The following NCAM2 variants were observed in gnomAD, a reference collection of about 807,000 sequenced individuals.
The protein encoded by NCAM2 is N-CAM-2.
NCAM2 carries 30 observed loss-of-function variants against 98.1 expected under a neutral mutation model. The ratio of observed to expected loss-of-function variants is 0.31; its 90% CI spans 0.23 to 0.41. The LOEUF (loss-of-function observed/expected upper bound fraction) is 0.41. NCAM2 is among the 10% of genes least tolerant of loss of function. The pLI is 1.00. For synonymous variants in NCAM2, 368 were observed against 342.4 expected (o/e 1.07, Z -0.83); for missense variants, 867 against 1,005.8 (o/e 0.86, Z 1.87).
chr21:21,426,897 A>T (rs2077225656), intron 11 of NCAM2, among the ~76,000 whole-genome samples: 2 of 152,218 alleles, frequency 1.3e-5, no homozygotes, highest in Non-Finnish European at 2.9e-5. Context: ...GAGTGTCTTA[A>T]ATCGTATAAT....
At chr21:21,039,753 A>G (rs1947066763) in intron 1 of NCAM2, among the ~76,000 whole-genome samples, 1 of 152,202 alleles carries the variant, frequency 6.6e-6, no homozygotes, top group Admixed American at 6.5e-5. Context: ...GACATATGCA[A>G]ATCACTGAAG....
intron 5 of NCAM2, among the ~76,000 whole-genome samples, chr21:21,319,056 G>A (rs1050217434): frequency 1.3e-5 from 2 of 152,140 alleles, no homozygotes; most frequent in African/African-American, 4.8e-5. Flanking sequence ...GGAGACTGCA[G>A]TGAGAGGCTA....
intron 1 of NCAM2, among the ~76,000 whole-genome samples, chr21:21,215,707 G>A (rs1028081822): frequency 3.9e-5 from 6 of 151,924 alleles, no homozygotes; most frequent in African/African-American, 1.4e-4. Context: ...CAGCCTAGGC[G>A]ACAGAGCAAA....
intron 1 of NCAM2, among the ~76,000 whole-genome samples, chr21:21,183,355 A>G (rs1456333018): frequency 2.0e-5 from 3 of 152,216 alleles, no homozygotes; most frequent in African/African-American, 7.2e-5. Context: ...CTCCCACATA[A>G]CTGAATAACA....
chr21:21,169,761 C>T (rs538989573), intron 1 of NCAM2, among the ~76,000 whole-genome samples: 2 of 152,082 alleles, frequency 1.3e-5, no homozygotes, highest in African/African-American at 4.8e-5. Context: ...CCAGCCTGGG[C>T]AACATGGTGA....
chr21:21,458,318 G>A (rs1293945400), intron 12 of NCAM2, among the ~76,000 whole-genome samples: 1 of 152,236 alleles, frequency 6.6e-6, no homozygotes, highest in Non-Finnish European at 1.5e-5. Context: ...TGTGCCCCCA[G>A]GCCCTGGGAG....
At chr21:21,196,577 A>C (rs1568752992) in intron 1 of NCAM2, among the ~76,000 whole-genome samples, 1 of 152,226 alleles carries the variant, frequency 6.6e-6, no homozygotes, top group Non-Finnish European at 1.5e-5. Flanking sequence ...TCTAGGCCCT[A>C]GGGTCACAAG....
chr21:21,064,854 C>T (rs984272785), intron 1 of NCAM2, among the ~76,000 whole-genome samples: 5 of 152,080 alleles, frequency 3.3e-5, no homozygotes, highest in Admixed American at 6.6e-5. Flanking sequence ...AACATGATTA[C>T]TCTGTGCTCA....
At chr21:21,433,225 A>G (rs963803104) in intron 12 of NCAM2, among the ~76,000 whole-genome samples, 2 of 152,184 alleles carry the variant, frequency 1.3e-5, no homozygotes, top group African/African-American at 4.8e-5. Context: ...TATACTTCAA[A>G]TAATGTTCTC....
intron 16 of NCAM2, among the ~76,000 whole-genome samples, chr21:21,511,094 C>A (rs1461018478): frequency 6.6e-6 from 1 of 151,958 alleles, no homozygotes; most frequent in Non-Finnish European, 1.5e-5. Context: ...TCACTTCAAA[C>A]CTTTATCAAT....
At chr21:21,485,848 A>AGAT (rs1986304355) in intron 15 of NCAM2, among the ~76,000 whole-genome samples, 1 of 152,168 alleles carries the variant, frequency 6.6e-6, no homozygotes, top group Non-Finnish European at 1.5e-5. Flanking sequence ...CTTTTTAAAG[A>AGAT]GATAGCTACA....
chr21:21,312,890 A>AT (rs1452206806), intron 5 of NCAM2, among the ~76,000 whole-genome samples: 14 of 151,684 alleles, frequency 9.2e-5, no homozygotes, highest in Non-Finnish European at 1.9e-4. Context: ...AAATAAATGT[A>AT]TTTTTTATAT....
rs140476768 is a variant in NCAM2, at chr21:21,291,589, T to C, written c.482-515T>C. 9.1e-3 allele frequency among the ~76,000 whole-genome samples: 1,388 copies of C among 152,032 alleles called. 12 individuals carry two copies. The highest frequency in any genetic ancestry group is 0.014 in the Non-Finnish European group (963 of 67,910). ...AGCCAAAAAAATCCCTTGAATAAAT[T>C]TGAGATATAATCTTTTTTATATCCT... On this transcript the variant is annotated intron_variant, in intron 4 of 17. Coordinates refer to ENST00000400546, the MANE Select transcript of NCAM2 (RefSeq NM_004540.5).
chr21:21,240,780 A>G (rs1168323234), intron 1 of NCAM2, among the ~76,000 whole-genome samples: 1 of 152,246 alleles, frequency 6.6e-6, no homozygotes, highest in Non-Finnish European at 1.5e-5. Context: ...TTCAGGATTT[A>G]TAGTGAATTT....
At chr21:21,351,457 G>A (rs2075337966) in intron 8 of NCAM2, among the ~76,000 whole-genome samples, 1 of 152,052 alleles carries the variant, frequency 6.6e-6, no homozygotes, top group Non-Finnish European at 1.5e-5. Context: ...ATATTTAAAT[G>A]TATATAATAA....
intron 8 of NCAM2, among the ~76,000 whole-genome samples, chr21:21,351,503 T>C (rs1474296789): frequency 6.6e-6 from 1 of 152,188 alleles, no homozygotes; most frequent in Non-Finnish European, 1.5e-5. Flanking sequence ...CCACAGAATA[T>C]GAAATAGCCA....
chr21:21,492,294 C>G (rs927158732), intron 15 of NCAM2, among the ~76,000 whole-genome samples: 1 of 151,798 alleles, frequency 6.6e-6, no homozygotes, highest in Non-Finnish European at 1.5e-5. Flanking sequence ...GGTCATATGT[C>G]TTAGGTCTAG....
At chr21:21,327,178 C>T (rs146249676) in intron 6 of NCAM2, among the ~76,000 whole-genome samples, 4,606 of 152,084 alleles carry the variant, frequency 0.03, 97 homozygotes, top group Non-Finnish European at 0.043. Context: ...CATGGTGGTA[C>T]GCGCCTGTAG....
intron 1 of NCAM2, among the ~76,000 whole-genome samples, chr21:21,008,033 A>C (rs1016922724): frequency 1.3e-5 from 2 of 152,138 alleles, no homozygotes; most frequent in African/African-American, 4.8e-5. Context: ...AGAGCAGTTG[A>C]GTTTCTATGT....
Sources: allele counts gnomAD v4.1 joint callset (sites outside exome capture counted in the v4.1 genomes callset), GRCh38; gene constraint gnomAD v4.1.1; transcripts MANE v1.5; gene names NCBI Gene and HGNC (gene_info 2026-07-23, HGNC 2026-07-21).